Variants in FAM78B observed in about 807,000 individuals in gnomAD.
FAM78B encodes the protein family with sequence similarity 78 member B, also known as protein FAM78B.
A neutral mutation model predicts 20.0 loss-of-function variants in FAM78B; 10 were observed. That is an observed-to-expected ratio of 0.50 (90% CI 0.31 to 0.85). The LOEUF is 0.85. FAM78B is among the 40% of genes least tolerant of loss of function. The pLI, the probability that FAM78B is intolerant of heterozygous loss-of-function variation, is 0.05. For synonymous variants in FAM78B, 135 were observed against 132.8 expected (o/e 1.02, Z -0.12); for missense variants, 283 against 345.0 (o/e 0.82, Z 1.42).
intron 1 of FAM78B, among the ~76,000 whole-genome samples, chr1:166,111,406 G>C (rs1202197279): frequency 6.6e-6 from 1 of 152,230 alleles, no homozygotes; most frequent in African/African-American, 2.4e-5. Flanking sequence ...TAATACACAA[G>C]TGTAGAGAAC....
chr1:166,166,365 G>T lies in FAM78B; in HGVS notation c.-117C>A, dbSNP rs1656385227. 2.1e-6 allele frequency: 2 copies of T among 935,736 alleles called. No homozygotes were observed. The highest frequency in any genetic ancestry group is 9.9e-5 in the South Asian group (2 of 20,128). 58.0% of individuals were successfully genotyped at this position (935,736 alleles called of 1,614,324 possible). A position where few individuals can be genotyped will look rare whatever the true frequency, so the allele number is the denominator to read the frequency against. ...CGCCGCTCGCTCCCGGTCAGACTCA[G>T]CTCGCACCTAGGAGCGGGGAGCCGC... On this transcript the variant is annotated 5_prime_UTR_variant, in exon 1 of 2. The change creates a new upstream start codon in the 5' untranslated region. Transcript: ENST00000354422.
chr1:166,059,772 A>C (rs1454973153), exon 3 of FAM78B: 1 of 152,186 alleles, frequency 6.6e-6, no homozygotes, highest in Non-Finnish European at 1.5e-5. Context: ...GTCTGGTTGA[A>C]AATGTGGCTG....
rs115067789 is a variant in FAM78B, at chr1:166,114,883, T to C, written c.264-44120A>G. Among the ~76,000 whole-genome samples, 1,522 of 152,352 alleles carry C rather than the reference T, an allele frequency of 1.0e-2. 35 individuals carry two copies. The highest frequency in any genetic ancestry group is 0.035 in the African/African-American group (1,439 of 41,572). On this transcript the variant is annotated intron_variant, in intron 1 of 1. Transcript: ENST00000354422. ...TTAGAGTTAGACTACATCTGATGCA[T>C]GTGTATCCTGGGGCCTCCTCACTCC...
At chr1:166,060,196 T>C (rs770626437) in exon 3 of FAM78B, 2 of 188,968 alleles carry the variant, frequency 1.1e-5, no homozygotes, top group Non-Finnish European at 1.1e-5. Flanking sequence ...GGAAGGGAGA[T>C]ACAAATCCCC....
At position 166,132,757 on chromosome 1, in the gene FAM78B, A is replaced by G. The variant is rs1654920208; in HGVS notation, c.263+33229T>C. 2.6e-5 allele frequency among the ~76,000 whole-genome samples: 4 copies of G among 152,310 alleles called. No homozygotes were observed. The South Asian group carries it at 8.3e-4, about 32-fold the overall frequency. The stretch of plus-strand genomic sequence containing the variant: ...CTGTGAGGAAACCACTACAAAGATA[A>G]TACTACATCAGCTAAGTGTACCAGA... On this transcript the variant is annotated intron_variant, in intron 1 of 1. Transcript: ENST00000354422.
At chr1:166,088,427 A>AAGAGC (rs1652924243) in intron 1 of FAM78B, among the ~76,000 whole-genome samples, 2 of 152,060 alleles carry the variant, frequency 1.3e-5, no homozygotes, top group African/African-American at 4.8e-5. Context: ...GTGGGGCAGA[A>AAGAGC]AGAGCACTGG....
chr1:166,138,193 T>C (rs1655142724), intron 1 of FAM78B, among the ~76,000 whole-genome samples: 2 of 152,024 alleles, frequency 1.3e-5, no homozygotes, highest in Non-Finnish European at 2.9e-5. Flanking sequence ...CAGTTGGTGG[T>C]TTCCTCATGT....
rs147018793 is a variant in FAM78B at position 166,059,405 on chromosome 1, C to T, written c.*1668G>A. On this transcript the variant is annotated 3_prime_UTR_variant and NMD_transcript_variant, in exon 3 of 3. Coordinates refer to the FAM78B transcript ENST00000435676. ...GAGAGGTGATACTAGAACTTTCCAA[C>T]CCTATTTTCACATTAGAGTCATCTG... is the stretch of plus-strand genomic sequence containing the variant. 22 of 152,282 alleles carry T rather than the reference C, an allele frequency of 1.4e-4. 1 individual carries two copies. Among genetic ancestry groups the T allele is most frequent in the African/African-American group, 4.6e-4 (19 of 41,538 alleles). The allele number at this position is 152,282 out of a possible 1,614,324, so 9.4% of individuals were successfully genotyped here.
In FAM78B at chr1:166,070,475, G is replaced by C; in HGVS notation, c.552C>G (p.Ile184Met). ...TCCTCCACTTGATGGTCTGCAGAAT[G>C]ATCTTCTCCTTTGTGGTGGTGTTCA... ...VAMNTTTKEK[I>M]ILQTIKWRMR... The change falls in exon 2 of 2, where the codon ATC (isoleucine) becomes ATG (methionine). Residue 184 changes from isoleucine to methionine, a missense_variant. By Grantham distance (10) the Ile-to-Met change is conservative. Coordinates refer to ENST00000354422, the MANE Select transcript of FAM78B (RefSeq NM_001017961.5). 1 of 1,614,218 alleles carries C rather than the reference G, an allele frequency of 6.2e-7. No individual in the cohort carries two copies. Among genetic ancestry groups the C allele is most frequent in the Non-Finnish European group, 8.5e-7 (1 of 1,180,044 alleles).
intron 1 of FAM78B, among the ~76,000 whole-genome samples, chr1:166,109,905 T>TATAC (rs1557903467): frequency 3.7e-5 from 4 of 107,558 alleles, no homozygotes; most frequent in Non-Finnish European, 2.0e-5. Context: ...TATATATATA[T>TATAC]ATATATATAT....
At chr1:166,085,586 T>C (rs771980685) in intron 1 of FAM78B, among the ~76,000 whole-genome samples, 14 of 152,166 alleles carry the variant, frequency 9.2e-5, no homozygotes, top group Non-Finnish European at 4.4e-5. Flanking sequence ...AATGAATGAA[T>C]GAACCAGGGC....
At chr1:166,063,437 G>C (rs1651682523) in intron 2 of FAM78B, among the ~76,000 whole-genome samples, 1 of 152,152 alleles carries the variant, frequency 6.6e-6, no homozygotes, top group Non-Finnish European at 1.5e-5. Context: ...GGTGGGTACA[G>C]GATTCAGTAT....
intron 1 of FAM78B, among the ~76,000 whole-genome samples, chr1:166,086,840 T>A (rs1557894548): frequency 6.6e-6 from 1 of 152,072 alleles, no homozygotes; most frequent in African/African-American, 2.4e-5. Context: ...TGTCCACACG[T>A]GTGGACAGAG....
intron 1 of FAM78B, among the ~76,000 whole-genome samples, chr1:166,106,787 T>C (rs2101752702): frequency 6.6e-6 from 1 of 152,258 alleles, no homozygotes; most frequent in Middle Eastern, 3.4e-3. Flanking sequence ...GCTCATTACC[T>C]GGGTGATGGG....
chr1:166,101,738 G>A, intron 1 of FAM78B, among the ~76,000 whole-genome samples: 1 of 152,130 alleles, frequency 6.6e-6, no homozygotes, highest in East Asian at 1.9e-4. Context: ...TCTGATTGGT[G>A]TACCTGAAAG....
In FAM78B at chr1:166,090,321, A is replaced by G. The variant is rs571972548; in HGVS notation, c.264-19558T>C. On this transcript the variant is annotated intron_variant, in intron 1 of 1. Coordinates refer to ENST00000354422, the MANE Select transcript of FAM78B (RefSeq NM_001017961.5). The stretch of plus-strand genomic sequence containing the variant: ...ACATTTTCTAAGCCTGGTCATCACA[A>G]TCATCTGTCCACACACTGACACATG... Among the ~76,000 whole-genome samples, 8 of 152,328 alleles carry G rather than the reference A, an allele frequency of 5.3e-5. 1 individual carries two copies. In the South Asian group the frequency reaches 1.7e-3, roughly 32 times the overall value.
chr1:166,079,255 C>T (rs1304371686), intron 1 of FAM78B, among the ~76,000 whole-genome samples: 1 of 152,192 alleles, frequency 6.6e-6, no homozygotes, highest in Non-Finnish European at 1.5e-5. Flanking sequence ...TTAAGAGACC[C>T]ACTCTGGTAT....
chr1:166,092,362 C>G (rs1051172602), intron 1 of FAM78B, among the ~76,000 whole-genome samples: 1 of 152,214 alleles, frequency 6.6e-6, no homozygotes, highest in Non-Finnish European at 1.5e-5. Flanking sequence ...CCAACCCTCC[C>G]TGGCATTGCT....
At chr1:166,111,204 A>G (rs1215036262) in intron 1 of FAM78B, among the ~76,000 whole-genome samples, 1 of 152,164 alleles carries the variant, frequency 6.6e-6, no homozygotes, top group African/African-American at 2.4e-5. Context: ...GGTGGCTAGG[A>G]TCCATCCGGA....
Sources: allele counts gnomAD v4.1 joint callset (sites outside exome capture counted in the v4.1 genomes callset), GRCh38; gene constraint gnomAD v4.1.1; transcripts MANE v1.5; gene names NCBI Gene and HGNC (gene_info 2026-07-23, HGNC 2026-07-21).